Variants in P4HA3 observed in about 807,000 individuals in gnomAD.
P4HA3 encodes the protein prolyl 4-hydroxylase subunit alpha-3.
A neutral mutation model predicts 66.7 loss-of-function variants in P4HA3; 60 were observed. That is an observed-to-expected ratio of 0.90 (90% CI 0.73 to 1.12). The LOEUF is 1.12. Ranked by LOEUF, P4HA3 falls within the 50% of genes most tolerant of loss-of-function variation. P4HA3 has a pLI of 0.00. For synonymous variants in P4HA3, 263 were observed against 274.6 expected (o/e 0.96, Z 0.42); for missense variants, 683 against 685.8 (o/e 1.00, Z 0.05).
chr11:74,250,936 G>C (rs751399208), intron 15 of P4HA3: 105 of 1,585,948 alleles, frequency 6.6e-5, no homozygotes, highest in Non-Finnish European at 8.8e-5. Flanking sequence ...AAGTTGCCTT[G>C]CTTTGATTCC....
intron 1 of P4HA3, among the ~76,000 whole-genome samples, chr11:74,311,134 C>G (rs1861728104): frequency 6.6e-6 from 1 of 152,074 alleles, no homozygotes; most frequent in Admixed American, 6.5e-5. Context: ...GTGATGGAGT[C>G]TGCAGTCCCA....
chr11:74,307,811 C>G (rs1164753101), intron 1 of P4HA3, among the ~76,000 whole-genome samples: 2 of 152,182 alleles, frequency 1.3e-5, no homozygotes, highest in Non-Finnish European at 2.9e-5. Context: ...AATACATGGG[C>G]TATTTCACTT....
At chr11:74,300,262 A>G (rs137857859) in intron 3 of P4HA3, among the ~76,000 whole-genome samples, 3 of 152,310 alleles carry the variant, frequency 2.0e-5, no homozygotes, top group African/African-American at 4.8e-5. Flanking sequence ...CATGAAAACT[A>G]TATCAGGAAA....
Position 74,273,592 on chromosome 11 carries a change from G to T in P4HA3, c.1351C>A (p.Leu451Ile). 6.4e-7 allele frequency: 1 copy of T among 1,567,924 alleles called. No homozygotes were observed. Among genetic ancestry groups the T allele is most frequent in the Non-Finnish European group, 8.6e-7 (1 of 1,161,330 alleles). The change falls in exon 10 of 13, where the codon CTC becomes ATC. Residue 451 changes from leucine to isoleucine, a missense_variant. Transcript: ENST00000331597. ...CGGTTTCCTGACTTCATTCTGTAGAGGGGGCTGCTTGGTGACTGAGAAAAA... is the reference window on the plus strand; with the variant it reads ...CGGTTTCCTGACTTCATTCTGTAGATGGGGCTGCTTGGTGACTGAGAAAAA... Reference protein sequence around the residue: ...FDHATSPSSPLYRMKSGNRVA... With the variant: ...FDHATSPSSPIYRMKSGNRVA...
intron 15 of P4HA3, chr11:74,251,376 G>A (rs913586983): frequency 1.5e-6 from 2 of 1,358,424 alleles, no homozygotes; most frequent in East Asian, 2.7e-5. Context: ...GGCTCCTCCT[G>A]TGAGAAAACA....
At chr11:74,282,362 G>A (rs1341402448) in intron 7 of P4HA3, among the ~76,000 whole-genome samples, 3 of 152,182 alleles carry the variant, frequency 2.0e-5, no homozygotes, top group East Asian at 1.9e-4. Context: ...GGCCATAATA[G>A]GCAAGTATAG....
chr11:74,259,432 A>T lies in P4HA3; in HGVS notation c.*1318+491T>A, dbSNP rs140908387. ...AAAAAACTTTTAACCAGGATTTTTT[A>T]AAAAAATAGTAAACTCTACCTAACA... On this transcript the variant is annotated intron_variant and NMD_transcript_variant, in intron 15 of 15. Transcript: ENST00000524388. Among the ~76,000 whole-genome samples, 1,391 of 152,242 alleles carry T rather than the reference A, an allele frequency of 9.1e-3. 10 individuals carry two copies. Among genetic ancestry groups the T allele is most frequent in the Non-Finnish European group, 0.012 (821 of 67,994 alleles).
At chr11:74,294,771 ACTGCAGATGCTG>A (rs1052669788) in intron 4 of P4HA3, among the ~76,000 whole-genome samples, 42 of 152,310 alleles carry the variant, frequency 2.8e-4, no homozygotes, top group African/African-American at 9.9e-4. Flanking sequence ...ATATTGGTGA[ACTGCAGATGCTG>A]CTGCCTGATC....
intron 4 of P4HA3, among the ~76,000 whole-genome samples, chr11:74,291,463 C>G: frequency 6.6e-6 from 1 of 152,152 alleles, no homozygotes; most frequent in East Asian, 1.9e-4. Context: ...ATTGCCCTGG[C>G]CAGAACTTCC....
chr11:74,262,517 T>TC (rs1000974042), downstream of P4HA3, among the ~76,000 whole-genome samples: 2 of 152,082 alleles, frequency 1.3e-5, no homozygotes, highest in African/African-American at 2.4e-5. Context: ...GGGGAGACTT[T>TC]CCCCCAAGCT....
intron 14 of P4HA3, among the ~76,000 whole-genome samples, chr11:74,260,587 G>A (rs1195157386): frequency 6.6e-6 from 1 of 152,138 alleles, no homozygotes; most frequent in African/African-American, 2.4e-5. Context: ...AGATCATAAA[G>A]TTAGACAAAA....
At chr11:74,299,852 T>C (rs546233060) in intron 3 of P4HA3, among the ~76,000 whole-genome samples, 1 of 152,180 alleles carries the variant, frequency 6.6e-6, no homozygotes, top group South Asian at 2.1e-4. Flanking sequence ...AGATGAGCCA[T>C]CCTTAGACCT....
At chr11:74,293,191 C>T (rs1193685054) in intron 4 of P4HA3, among the ~76,000 whole-genome samples, 2 of 151,900 alleles carry the variant, frequency 1.3e-5, no homozygotes, top group Non-Finnish European at 2.9e-5. Flanking sequence ...ATCCCTTTAC[C>T]ATTATGTAAT....
At chr11:74,293,690 T>C (rs1565417586) in intron 4 of P4HA3, among the ~76,000 whole-genome samples, 1 of 152,240 alleles carries the variant, frequency 6.6e-6, no homozygotes, top group African/African-American at 2.4e-5. Flanking sequence ...GGATTTTATT[T>C]CTCCTTCACT....
Position 74,302,551 on chromosome 11 carries a change from C to G in P4HA3, c.385G>C (p.Ala129Pro). 1 of 1,614,212 alleles carries G rather than the reference C, an allele frequency of 6.2e-7. No homozygotes were observed. The highest frequency in any genetic ancestry group is 8.5e-7 in the Non-Finnish European group (1 of 1,180,038). Residue 129 changes from alanine (A) to proline (P), a missense_variant, in exon 3 of 13, where the codon GCC (alanine) becomes CCC (proline). By Grantham distance (27) the Ala-to-Pro change is conservative. Coordinates refer to ENST00000331597, the MANE Select transcript of P4HA3 (RefSeq NM_182904.5). ...GCTGCTCCCTCAAGGTCCTCAAAGG[C>G]TGGAAGGTCTTGCTCCACCTTCTCA... is the stretch of plus-strand genomic sequence containing the variant. ...GYEKVEQDLP[A>P]FEDLEGAARA...
intron 1 of P4HA3, among the ~76,000 whole-genome samples, chr11:74,305,020 T>C (rs1178083070): frequency 6.6e-6 from 1 of 152,074 alleles, no homozygotes; most frequent in Admixed American, 6.5e-5. Flanking sequence ...TATGAGAATC[T>C]AATGCCGTGG....
At chr11:74,283,909 C>T (rs116664424) in intron 7 of P4HA3, among the ~76,000 whole-genome samples, 40 of 152,324 alleles carry the variant, frequency 2.6e-4, no homozygotes, top group African/African-American at 9.6e-4. Flanking sequence ...GCCCACACCT[C>T]TATGATAGCA....
At chr11:74,263,896 G>A (rs932218958), downstream of P4HA3, among the ~76,000 whole-genome samples, 2 of 152,094 alleles carry the variant, frequency 1.3e-5, no homozygotes, top group African/African-American at 4.8e-5. Context: ...GCTGAGGCGG[G>A]AGGATCACTT....
chr11:74,274,472 A>ATT lies in P4HA3; in HGVS notation c.1336-867_1336-866dup, dbSNP rs575693268. On this transcript the variant is annotated intron_variant, in intron 9 of 12. Coordinates refer to ENST00000331597, the MANE Select transcript of P4HA3 (RefSeq NM_182904.5). ...AGGCGCCTGCCACCATGCCCAGCTAATTTTTTTTTTTTTTGTATTTTTAGT... is the reference window on the plus strand; with the variant it reads ...AGGCGCCTGCCACCATGCCCAGCTAATTTTTTTTTTTTTTTTGTATTTTTAGT... Among the ~76,000 whole-genome samples the ATT allele has an allele frequency of 4.2e-3, 592 of 140,572 alleles. 5 individuals carry two copies. The highest frequency in any genetic ancestry group is 0.014 in the African/African-American group (520 of 38,262). The allele number at this position is 140,572 out of a possible 152,430, so 92.2% of individuals were successfully genotyped here.
Sources: gnomAD v4.1 joint callset for allele counts (sites outside exome capture counted in the v4.1 genomes callset) on GRCh38, gnomAD v4.1.1 for gene constraint, MANE v1.5 for transcripts, NCBI Gene and HGNC (gene_info 2026-07-23, HGNC 2026-07-21) for gene names.